ITPRID1: variants seen among roughly 807,000 people sequenced by gnomAD.
ITPRID1 encodes the protein ITPR interacting domain containing 1, also known as protein ITPRID1.
ITPRID1 carries 96 observed loss-of-function variants against 95.4 expected under a neutral mutation model. That is an observed-to-expected ratio of 1.01 (90% CI 0.85 to 1.19). ITPRID1 has a LOEUF of 1.19. Ranked by LOEUF, ITPRID1 falls within the 50% of genes most tolerant of loss-of-function variation. ITPRID1 has a pLI of 0.00. For missense variants in ITPRID1, 1,339 were observed against 1,252.9 expected, an observed-to-expected ratio of 1.07 and a Z score of -1.04; for synonymous variants, 510 against 453.6, an observed-to-expected ratio of 1.12 and a Z score of -1.58.
At chr7:31,647,478 A>C (rs907537386) in intron 12 of ITPRID1, among the ~76,000 whole-genome samples, 8 of 149,390 alleles carry the variant, frequency 5.4e-5, no homozygotes, top group Non-Finnish European at 8.9e-5. Flanking sequence ...CCTGGCCAAC[A>C]TGGCAAAACC....
chr7:31,653,073 G>A lies in ITPRID1; in HGVS notation c.*244G>A, dbSNP rs749151068. On this transcript the variant is annotated 3_prime_UTR_variant, in exon 15 of 15. Coordinates refer to ENST00000615280, the MANE Select transcript of ITPRID1 (RefSeq NM_001257967.3). Reference sequence around the variant, plus strand: ...ATGCAACAGTGACTAAATAGTATACGGTCTCTGCCCTGCTAGAACTTACAG... The same window carrying A: ...ATGCAACAGTGACTAAATAGTATACAGTCTCTGCCCTGCTAGAACTTACAG... 237 of 959,352 alleles carry A rather than the reference G, an allele frequency of 2.5e-4. No individual in the cohort carries two copies. Among genetic ancestry groups the A allele is most frequent in the Middle Eastern group, 2.5e-3 (7 of 2,850 alleles). The allele number at this position is 959,352 out of a possible 1,614,324, so 59.4% of individuals were successfully genotyped here. A position where few individuals can be genotyped will look rare whatever the true frequency, so the allele number is the denominator to read the frequency against.
At position 31,620,778 on chromosome 7, in the gene ITPRID1, G is replaced by A. The variant is rs116913070; in HGVS notation, c.1229-21398G>A. Among the ~76,000 whole-genome samples the A allele has an allele frequency of 2.3e-3, 353 of 152,316 alleles. 4 individuals carry two copies. In the East Asian group the frequency reaches 0.043, roughly 19 times the overall value. On this transcript the variant is annotated intron_variant, in intron 10 of 14. Coordinates refer to ENST00000615280, the MANE Select transcript of ITPRID1 (RefSeq NM_001257967.3). ...GGATGGAGAATGACTTTGAGGAGGCGAGAGAAGAAGACATCAGACGATCAA... is the reference window on the plus strand; with the variant it reads ...GGATGGAGAATGACTTTGAGGAGGCAAGAGAAGAAGACATCAGACGATCAA...
chr7:31,621,231 C>T (rs550298398), intron 10 of ITPRID1, among the ~76,000 whole-genome samples: 16 of 151,776 alleles, frequency 1.1e-4, no homozygotes, highest in Non-Finnish European at 2.2e-4. Flanking sequence ...GGCAGGCCAA[C>T]GTTCAGATTC....
chr7:31,606,049 T>A (rs774558462), intron 10 of ITPRID1, among the ~76,000 whole-genome samples: 6 of 152,196 alleles, frequency 3.9e-5, no homozygotes, highest in Non-Finnish European at 8.8e-5. Context: ...ATAATATGAA[T>A]GTGTAGATAT....
At chr7:31,657,862 AAAAG>A (rs1173690064), downstream of ITPRID1, among the ~76,000 whole-genome samples, 1 of 152,238 alleles carries the variant, frequency 6.6e-6, no homozygotes, top group African/African-American at 2.4e-5. Context: ...AAAATGAAAA[AAAAG>A]AAAAAGTAAA....
intron 10 of ITPRID1, among the ~76,000 whole-genome samples, chr7:31,632,499 T>A (rs549109449): frequency 2.0e-5 from 3 of 152,142 alleles, no homozygotes; most frequent in African/African-American, 7.2e-5. Context: ...GGAACCATGG[T>A]CCCAAACAAG....
At chr7:31,640,786 C>G (rs1789950743) in intron 10 of ITPRID1, among the ~76,000 whole-genome samples, 1 of 152,052 alleles carries the variant, frequency 6.6e-6, no homozygotes. Context: ...TTTTTTTACC[C>G]TTAACTGTGT....
At chr7:31,533,694 T>G (rs1308524088) in intron 1 of ITPRID1, among the ~76,000 whole-genome samples, 1 of 152,224 alleles carries the variant, frequency 6.6e-6, no homozygotes, top group African/African-American at 2.4e-5. Context: ...ATTTTATGAT[T>G]TTTATTGTGA....
At chr7:31,542,974 T>G (rs1394056915) in intron 1 of ITPRID1, among the ~76,000 whole-genome samples, 1 of 152,192 alleles carries the variant, frequency 6.6e-6, no homozygotes, top group Non-Finnish European at 1.5e-5. Flanking sequence ...TAGAGCTTTT[T>G]AAATACAGAT....
At chr7:31,522,166 C>T (rs368401283) in intron 1 of ITPRID1, among the ~76,000 whole-genome samples, 12 of 152,216 alleles carry the variant, frequency 7.9e-5, no homozygotes, top group East Asian at 5.8e-4. Flanking sequence ...CATATTTCTC[C>T]GATGCTGCTC....
At chr7:31,597,494 A>T (rs1278708128) in intron 10 of ITPRID1, among the ~76,000 whole-genome samples, 1 of 151,650 alleles carries the variant, frequency 6.6e-6, no homozygotes, top group Non-Finnish European at 1.5e-5. Context: ...AAAGCAGAAA[A>T]AAAAAAACCC....
At chr7:31,657,925 C>T (rs17160362), downstream of ITPRID1, among the ~76,000 whole-genome samples, 30 of 152,232 alleles carry the variant, frequency 2.0e-4, no homozygotes, top group East Asian at 2.9e-3. Context: ...CAAGGAAAAA[C>T]GTGGCCTCTT....
chr7:31,629,967 T>C (rs1788842636), intron 10 of ITPRID1, among the ~76,000 whole-genome samples: 1 of 152,052 alleles, frequency 6.6e-6, no homozygotes, highest in East Asian at 1.9e-4. Flanking sequence ...ATAAATATCA[T>C]GAATATTTTT....
At chr7:31,553,276 G>T (rs2128136690) in intron 3 of ITPRID1, 89 bp downstream of exon 3, 4 of 1,261,582 alleles carry the variant, frequency 3.2e-6, no homozygotes, top group East Asian at 2.5e-5. Context: ...GGTGATTTTG[G>T]AACAAAAGTA....
intron 6 of ITPRID1, among the ~76,000 whole-genome samples, chr7:31,570,320 C>T (rs996464453): frequency 2.6e-5 from 4 of 152,142 alleles, no homozygotes; most frequent in South Asian, 2.1e-4. Flanking sequence ...TTCCCAATCC[C>T]CACCCTAGAC....
chr7:31,529,125 C>T (rs531255854), intron 1 of ITPRID1, among the ~76,000 whole-genome samples: 1 of 152,280 alleles, frequency 6.6e-6, no homozygotes, highest in African/African-American at 2.4e-5. Flanking sequence ...TTAGTTCTTA[C>T]TCACAATTTG....
intron 12 of ITPRID1, among the ~76,000 whole-genome samples, chr7:31,645,978 T>C (rs1047080275): frequency 6.6e-6 from 1 of 152,098 alleles, no homozygotes. Flanking sequence ...GAAGGTGACA[T>C]TTTGAGAGGC....
intron 1 of ITPRID1, among the ~76,000 whole-genome samples, chr7:31,528,954 TTA>T (rs1320391796): frequency 9.2e-5 from 14 of 152,232 alleles, no homozygotes; most frequent in Non-Finnish European, 1.6e-4. Context: ...TGCTTTAGCA[TTA>T]TGTCATATAT....
intron 10 of ITPRID1, among the ~76,000 whole-genome samples, chr7:31,614,296 C>T (rs752118317): frequency 6.6e-6 from 1 of 152,090 alleles, no homozygotes; most frequent in Non-Finnish European, 1.5e-5. Flanking sequence ...CAGGGGAAGG[C>T]TAGATCTAGT....
Sources: gnomAD v4.1 joint callset for allele counts (sites outside exome capture counted in the v4.1 genomes callset) on GRCh38, gnomAD v4.1.1 for gene constraint, MANE v1.5 for transcripts, NCBI Gene and HGNC (gene_info 2026-07-23, HGNC 2026-07-21) for gene names.